DGKE: variants seen among roughly 807,000 people sequenced by gnomAD.
DGKE encodes the protein DAG kinase epsilon.
In DGKE, 53 loss-of-function variants were observed where a neutral mutation model predicts 70.0. The observed-to-expected ratio is 0.76, with a 90% CI of 0.61 to 0.95. The LOEUF (loss-of-function observed/expected upper bound fraction) is 0.95. DGKE is among the 40% of genes least tolerant of loss of function. DGKE has a pLI of 0.00. For synonymous variants in DGKE, 291 were observed against 257.0 expected, an observed-to-expected ratio of 1.13 and a Z score of -1.27; for missense variants, 655 against 706.9, an observed-to-expected ratio of 0.93 and a Z score of 0.83.
At position 56,844,170 on chromosome 17, in the gene DGKE, T is replaced by A. The variant is rs1907153410; in HGVS notation, c.616T>A (p.Tyr206Asn). ...GATGCGTAAAGACAAAAAAACAGAT[T>A]ATGAAGTGGTAATTAGAGTTTATTT... ...NQMRKDKKTDYEVLASKLGKQ... is the reference protein window; with the variant it reads ...NQMRKDKKTDNEVLASKLGKQ... The change falls in exon 3 of 12, where the codon TAT becomes AAT. Residue 206 changes from tyrosine to asparagine, a missense_variant. Physicochemically the swap from Tyr to Asn is moderately radical, Grantham distance 143. Coordinates refer to ENST00000284061, the MANE Select transcript of DGKE (RefSeq NM_003647.3). The A allele has an allele frequency of 6.6e-7, 1 of 1,516,930 alleles. No individual in the cohort carries two copies. Among genetic ancestry groups the A allele is most frequent in the East Asian group, 2.4e-5 (1 of 41,236 alleles). The allele number at this position is 1,516,930 out of a possible 1,614,324, so 94.0% of individuals were successfully genotyped here.
intron 2 of DGKE, among the ~76,000 whole-genome samples, chr17:56,839,703 A>G (rs761100502): frequency 4.0e-5 from 6 of 151,584 alleles, no homozygotes; most frequent in Non-Finnish European, 8.8e-5. Flanking sequence ...TCTTTTTTGT[A>G]GAGATAGGAG....
At chr17:56,848,551 A>T in intron 5 of DGKE, 145 bp from the exon 6 acceptor site, 1 of 722,504 alleles carries the variant, frequency 1.4e-6, no homozygotes, top group Non-Finnish European at 2.2e-6. Context: ...TGTTTTGATT[A>T]AGCAATTAGC....
intron 7 of DGKE, among the ~76,000 whole-genome samples, chr17:56,849,875 G>A (rs753465193): frequency 3.3e-5 from 5 of 152,136 alleles, no homozygotes; most frequent in Non-Finnish European, 7.4e-5. Context: ...GAAGTTGGAC[G>A]TTTAGGCTTA....
In DGKE at chr17:56,849,165, A is replaced by T; in HGVS notation, c.1047-16A>T. The stretch of plus-strand genomic sequence containing the variant: ...TATTGTAAAACGTGCTGTTTTTTTT[A>T]ACTTCTGTTTTTTAGATGGAAAGTT... On this transcript the variant is annotated splice_polypyrimidine_tract_variant and intron_variant, in intron 6 of 11. Transcript: ENST00000284061. 6.2e-7 allele frequency: 1 copy of T among 1,602,832 alleles called. No homozygotes were observed. Among genetic ancestry groups the T allele is most frequent in the Non-Finnish European group, 8.5e-7 (1 of 1,174,874 alleles).
At chr17:56,858,144 A>C (rs1908066290) in intron 8 of DGKE, among the ~76,000 whole-genome samples, 1 of 152,140 alleles carries the variant, frequency 6.6e-6, no homozygotes, top group Non-Finnish European at 1.5e-5. Flanking sequence ...AGGATAATTA[A>C]ACTTAAATGG....
At chr17:56,837,309 G>A (rs926913106) in intron 2 of DGKE, among the ~76,000 whole-genome samples, 1 of 151,820 alleles carries the variant, frequency 6.6e-6, no homozygotes, top group African/African-American at 2.4e-5. Flanking sequence ...AGGCCCTACA[G>A]GTCCTTCTAA....
intron 2 of DGKE, among the ~76,000 whole-genome samples, chr17:56,837,939 A>AT (rs1239437321): frequency 6.6e-6 from 1 of 151,924 alleles, no homozygotes. Flanking sequence ...TTGTCTGTAG[A>AT]TTTTTTCTTT....
At chr17:56,858,526 C>T (rs1291980141) in intron 8 of DGKE, 68 bp from the exon 9 acceptor site, 5 of 1,275,362 alleles carry the variant, frequency 3.9e-6, no homozygotes, top group African/African-American at 1.5e-5. Flanking sequence ...TTTGATACAG[C>T]GTATTTTTTC....
At chr17:56,847,512 T>A (rs1330109326) in intron 4 of DGKE, 1 of 152,408 alleles carries the variant, frequency 6.6e-6, no homozygotes, top group African/African-American at 2.4e-5. Flanking sequence ...TTTTGTATTT[T>A]TAGTAAAGAC....
At chr17:56,848,375 G>A (rs1351271193) in intron 5 of DGKE, among the ~76,000 whole-genome samples, 1 of 151,896 alleles carries the variant, frequency 6.6e-6, no homozygotes, top group African/African-American at 2.4e-5. Flanking sequence ...CTGGGCTGCT[G>A]TCAAACTCCT....
chr17:56,859,231 A>T (rs1908135724), intron 9 of DGKE, among the ~76,000 whole-genome samples: 1 of 151,500 alleles, frequency 6.6e-6, no homozygotes, highest in Admixed American at 6.6e-5. Flanking sequence ...AGGCTGAGGC[A>T]GGAGAATGGC....
Position 56,848,702 on chromosome 17 carries a change from G to A in DGKE, c.895G>A (p.Glu299Lys). ...AVDDMKIKGQ[E>K]KYIPQVAVLP... Reference sequence around the variant, plus strand: ...CATATCTTCCATATTCTAGGGACAAGAAAAGTACATTCCACAAGTTGCAGT... The same window carrying A: ...CATATCTTCCATATTCTAGGGACAAAAAAAGTACATTCCACAAGTTGCAGT... Residue 299 changes from glutamate (E) to lysine (K), a missense_variant, in exon 6 of 12, where the codon GAA (glutamate) becomes AAA (lysine). Physicochemically the swap from Glu to Lys is moderately conservative, Grantham distance 56. Transcript: ENST00000284061. The A allele has an allele frequency of 1.2e-6, 2 of 1,613,994 alleles. No individual in the cohort carries two copies. The highest frequency in any genetic ancestry group is 1.7e-6 in the Non-Finnish European group (2 of 1,179,938).
chr17:56,851,865 C>T (rs1907670882), intron 7 of DGKE, among the ~76,000 whole-genome samples: 1 of 152,114 alleles, frequency 6.6e-6, no homozygotes, highest in African/African-American at 2.4e-5. Flanking sequence ...AATTCGGTAT[C>T]AGATTGGAAA....
chr17:56,841,839 A>G (rs551179297), intron 2 of DGKE, among the ~76,000 whole-genome samples: 19 of 152,240 alleles, frequency 1.2e-4, no homozygotes, highest in African/African-American at 3.6e-4. Flanking sequence ...GTTTTTTGAG[A>G]TGAAATCTCA....
chr17:56,862,037 T>C, intron 10 of DGKE, 103 bp from the exon 11 acceptor site: 1 of 1,532,914 alleles, frequency 6.5e-7, no homozygotes, highest in South Asian at 1.2e-5. Context: ...TAGTTATAAA[T>C]ATTTTTTAAG....
intron 7 of DGKE, among the ~76,000 whole-genome samples, chr17:56,855,984 C>T (rs1464875714): frequency 1.5e-5 from 2 of 136,576 alleles, no homozygotes; most frequent in South Asian, 2.3e-4. Context: ...CCAGCCAGGG[C>T]GACAGTCCGA....
intron 2 of DGKE, chr17:56,835,779 G>A (rs1023572344): frequency 6.3e-6 from 1 of 157,772 alleles, no homozygotes; most frequent in Non-Finnish European, 1.4e-5. Flanking sequence ...AACACTGAAA[G>A]GAATATTCCT....
At chr17:56,845,599 CA>C in intron 3 of DGKE, 90 bp from the exon 4 acceptor site, 1 of 1,323,388 alleles carries the variant, frequency 7.6e-7, no homozygotes, top group South Asian at 1.9e-5. Flanking sequence ...TTTATTTCAG[CA>C]AATTATAGCA....
chr17:56,848,866 T>G lies in DGKE; in HGVS notation c.1046+13T>G. 6.2e-7 allele frequency: 1 copy of G among 1,613,926 alleles called. No individual in the cohort carries two copies. The highest frequency in any genetic ancestry group is 8.5e-7 in the Non-Finnish European group (1 of 1,179,896). The stretch of plus-strand genomic sequence containing the variant: ...TTAAACTAGATCGGTAAGTTACGTT[T>G]CCCCAAAAAGTAGATTTCTTGAGAT... On this transcript the variant is annotated intron_variant, in intron 6 of 11. Coordinates refer to ENST00000284061, the MANE Select transcript of DGKE (RefSeq NM_003647.3).
Sources: allele counts gnomAD v4.1 joint callset (sites outside exome capture counted in the v4.1 genomes callset), GRCh38; gene constraint gnomAD v4.1.1; transcripts MANE v1.5; gene names NCBI Gene and HGNC (gene_info 2026-07-23, HGNC 2026-07-21).